Variants in MAN2A1 observed in about 807,000 individuals in gnomAD.
MAN2A1 encodes alpha-mannosidase 2.
MAN2A1 carries 76 observed loss-of-function variants against 142.6 expected under a neutral mutation model. The ratio of observed to expected loss-of-function variants is 0.53; its 90% CI spans 0.44 to 0.65. The LOEUF (loss-of-function observed/expected upper bound fraction) is 0.65, where lower values mean the gene tolerates loss of function less well. Among genes scored for constraint, MAN2A1 ranks in the 30% least tolerant of loss-of-function variants. The pLI, the probability that MAN2A1 is intolerant of heterozygous loss-of-function variation, is 0.00. For synonymous variants in MAN2A1, 559 were observed against 473.2 expected (o/e 1.18, Z -2.35); for missense variants, 1,311 against 1,365.1 (o/e 0.96, Z 0.62).
At chr5:109,776,196 GA>G (rs1270552488) in intron 8 of MAN2A1, among the ~76,000 whole-genome samples, 1 of 151,908 alleles carries the variant, frequency 6.6e-6, no homozygotes, top group African/African-American at 2.4e-5. Flanking sequence ...CTATAGAAAG[GA>G]AGTGATATTA....
intron 12 of MAN2A1, among the ~76,000 whole-genome samples, chr5:109,814,392 G>A (rs1039089056): frequency 6.6e-6 from 1 of 152,090 alleles, no homozygotes; most frequent in Non-Finnish European, 1.5e-5. Context: ...ATTTATGATT[G>A]TATACTTATT....
At position 109,753,969 on chromosome 5, in the gene MAN2A1, C is replaced by T. The variant is rs565846377; in HGVS notation, c.708-1360C>T. ...TGTCTCCCAGGCTGGAGTGCAGTGG[C>T]GTAATCATAGCTCACTGCAGCCTCA... On this transcript the variant is annotated intron_variant, in intron 4 of 21. Coordinates refer to ENST00000261483, the MANE Select transcript of MAN2A1 (RefSeq NM_002372.4). Among the ~76,000 whole-genome samples, 69 of 151,236 alleles carry T rather than the reference C, an allele frequency of 4.6e-4. 1 individual carries two copies. The highest frequency in any genetic ancestry group is 6.8e-3 in the Middle Eastern group (2 of 294).
chr5:109,690,670 C>A, intron 1 of MAN2A1, 118 bp downstream of exon 1: 4 of 1,160,270 alleles, frequency 3.4e-6, no homozygotes, highest in Non-Finnish European at 2.4e-6. Context: ...CTGGGCGAGG[C>A]CAGGGGCTCT....
intron 12 of MAN2A1, among the ~76,000 whole-genome samples, chr5:109,796,180 TC>T (rs1167339573): frequency 6.6e-6 from 1 of 152,110 alleles, no homozygotes; most frequent in East Asian, 1.9e-4. Context: ...TGGGAAGAAA[TC>T]ATAAAAATAT....
chr5:109,868,791 C>T lies in MAN2A1; in HGVS notation c.*1793C>T, dbSNP rs917432565. The T allele has an allele frequency of 1.3e-5, 2 of 152,262 alleles. No homozygotes were observed. The highest frequency in any genetic ancestry group is 2.1e-4 in the South Asian group (1 of 4,820). 9.4% of individuals were successfully genotyped at this position (152,262 alleles called of 1,614,324 possible). A position where few individuals can be genotyped will look rare whatever the true frequency, so the allele number is the denominator to read the frequency against. On this transcript the variant is annotated 3_prime_UTR_variant, in exon 22 of 22. Transcript: ENST00000261483. The stretch of plus-strand genomic sequence containing the variant: ...AGGACTTCCTTTTTGTGGACATCTA[C>T]AGATGTTAGGGTTGCCAGAAGCAAA...
Position 109,817,381 on chromosome 5 carries a change from A to G in MAN2A1, c.2052A>G (p.Glu684=). 14 of 1,613,984 alleles carry G rather than the reference A, an allele frequency of 8.7e-6. No individual in the cohort carries two copies. Among genetic ancestry groups the G allele is most frequent in the Non-Finnish European group, 1.2e-5 (14 of 1,179,904 alleles). ...QVFSASGKPV[E]VQVSAVWDTA... The stretch of plus-strand genomic sequence containing the variant: ...TCTCTGCTTCAGGAAAACCTGTGGA[A>G]GTTCAAGTCAGCGCAGTTTGGGATA... Residue 684 remains glutamate, a synonymous_variant, in exon 13 of 22, where the codon GAA becomes GAG. Coordinates refer to ENST00000261483, the MANE Select transcript of MAN2A1 (RefSeq NM_002372.4).
chr5:109,750,198 C>T (rs1752508866), intron 4 of MAN2A1, among the ~76,000 whole-genome samples: 1 of 151,942 alleles, frequency 6.6e-6, no homozygotes, highest in South Asian at 2.1e-4. Context: ...TTTTCTTTCA[C>T]TCATCAGATG....
rs772798010 is a variant in MAN2A1, at chr5:109,855,232, G to A, written c.3069G>A (p.Lys1023=). The A allele has an allele frequency of 1.3e-6, 2 of 1,599,736 alleles. No individual in the cohort carries two copies. Among genetic ancestry groups the A allele is most frequent in the Non-Finnish European group, 1.7e-6 (2 of 1,174,262 alleles). ...ATCCAGTCATTCCAATGGCAAATAA[G>A]TTCTCCTCACCTACCCTTGAGCTGC... The part of the protein sequence containing the change: ...MNHPVIPMAN[K]FSSPTLELQG... Residue 1023 remains lysine (K), a synonymous_variant, in exon 20 of 22, where the codon AAG becomes AAA. Coordinates refer to ENST00000261483, the MANE Select transcript of MAN2A1 (RefSeq NM_002372.4).
chr5:109,739,178 C>G (rs1752195574), intron 4 of MAN2A1, among the ~76,000 whole-genome samples: 1 of 151,948 alleles, frequency 6.6e-6, no homozygotes, highest in Non-Finnish European at 1.5e-5. Context: ...ATTTTTTTTT[C>G]TCTTCTCTCT....
intron 19 of MAN2A1, 156 bp from the exon 20 acceptor site, chr5:109,854,984 G>A: frequency 2.3e-6 from 1 of 435,222 alleles, no homozygotes. Flanking sequence ...ACTAAACTTG[G>A]TAGTTTATGG....
chr5:109,832,620 C>G (rs1479737436), intron 16 of MAN2A1, among the ~76,000 whole-genome samples: 1 of 152,210 alleles, frequency 6.6e-6, no homozygotes, highest in East Asian at 1.9e-4. Context: ...CCTTTCCCCA[C>G]ACGTCCCCCC....
At chr5:109,747,253 C>T (rs1204770404) in intron 4 of MAN2A1, among the ~76,000 whole-genome samples, 2 of 151,916 alleles carry the variant, frequency 1.3e-5, no homozygotes, top group Non-Finnish European at 2.9e-5. Flanking sequence ...CAGAGTAAAA[C>T]ATTTAAATAT....
intron 3 of MAN2A1, among the ~76,000 whole-genome samples, chr5:109,722,956 A>G (rs1410005063): frequency 2.6e-5 from 4 of 152,134 alleles, no homozygotes; most frequent in African/African-American, 9.7e-5. Flanking sequence ...ATGCTCATAG[A>G]TGGGATCATT....
At chr5:109,795,078 A>T (rs1753826261) in intron 12 of MAN2A1, among the ~76,000 whole-genome samples, 1 of 152,152 alleles carries the variant, frequency 6.6e-6, no homozygotes, top group South Asian at 2.1e-4. Flanking sequence ...AGTTAATTTT[A>T]TGTTAAAAAT....
chr5:109,799,312 A>C (rs1482036508), intron 12 of MAN2A1, among the ~76,000 whole-genome samples: 1 of 152,144 alleles, frequency 6.6e-6, no homozygotes, highest in East Asian at 1.9e-4. Flanking sequence ...CTCTCGCATC[A>C]TCTCTTGCAT....
At chr5:109,732,720 A>G (rs990284636) in intron 4 of MAN2A1, among the ~76,000 whole-genome samples, 8 of 151,798 alleles carry the variant, frequency 5.3e-5, no homozygotes, top group South Asian at 2.1e-4. Context: ...CCATTGATGT[A>G]TATCTCTGTT....
intron 16 of MAN2A1, among the ~76,000 whole-genome samples, chr5:109,826,212 TC>T (rs1368885495): frequency 1.3e-5 from 2 of 152,044 alleles, no homozygotes; most frequent in African/African-American, 4.8e-5. Flanking sequence ...GGCTTGATTT[TC>T]TTTTTTCATG....
At position 109,714,777 on chromosome 5, in the gene MAN2A1, G is replaced by T. The variant is rs144701581; in HGVS notation, c.390+1003G>T. Among the ~76,000 whole-genome samples, 37 of 152,304 alleles carry T rather than the reference G, an allele frequency of 2.4e-4. No individual in the cohort carries two copies. The East Asian group carries it at 7.1e-3, about 29-fold the overall frequency. ...GAGAACATGATATGATCTTGAGGTC[G>T]TGGCTCACAGGCCAAGCTGGAAGCT... On this transcript the variant is annotated intron_variant, in intron 2 of 21. Transcript: ENST00000261483.
chr5:109,808,725 A>G (rs1754239078), intron 12 of MAN2A1, among the ~76,000 whole-genome samples: 1 of 135,052 alleles, frequency 7.4e-6, no homozygotes, highest in African/African-American at 2.8e-5. Flanking sequence ...TTTTTTTGAG[A>G]CAGAGTCTCA....
Sources: allele counts gnomAD v4.1 joint callset (sites outside exome capture counted in the v4.1 genomes callset), GRCh38; gene constraint gnomAD v4.1.1; transcripts MANE v1.5; gene names NCBI Gene and HGNC (gene_info 2026-07-23, HGNC 2026-07-21).